Variants in BANK1 observed in about 807,000 individuals in gnomAD.
BANK1 encodes B-cell scaffold protein with ankyrin repeats.
A neutral mutation model predicts 94.5 loss-of-function variants in BANK1; 95 were observed. The ratio of observed to expected loss-of-function variants is 1.00; its 90% CI spans 0.85 to 1.19. The LOEUF (loss-of-function observed/expected upper bound fraction) is 1.19. BANK1 is among the 50% of genes most tolerant of loss of function. The probability of loss-of-function intolerance (pLI) is 0.00; values close to 1 mark genes in which losing one functional copy is unlikely to be tolerated. For synonymous variants in BANK1, 334 were observed against 308.4 expected (o/e 1.08, Z -0.87); for missense variants, 987 against 932.2 (o/e 1.06, Z -0.77).
At chr4:102,032,924 C>T (rs1232116533) in intron 10 of BANK1, among the ~76,000 whole-genome samples, 2 of 151,784 alleles carry the variant, frequency 1.3e-5, no homozygotes, top group African/African-American at 4.8e-5. Context: ...GCACCAAATG[C>T]CTCAATGGAA....
At chr4:101,984,089 A>G (rs1331839035) in intron 7 of BANK1, among the ~76,000 whole-genome samples, 1 of 151,866 alleles carries the variant, frequency 6.6e-6, no homozygotes, top group Admixed American at 6.6e-5. Context: ...AGATAAGCAG[A>G]GAATTTCATT....
At chr4:101,888,869 C>A (rs542327202) in intron 5 of BANK1, among the ~76,000 whole-genome samples, 1 of 152,302 alleles carries the variant, frequency 6.6e-6, no homozygotes, top group South Asian at 2.1e-4. Flanking sequence ...TACTTCCCAG[C>A]TATTTACATT....
intron 7 of BANK1, among the ~76,000 whole-genome samples, chr4:101,924,972 TA>T (rs1723108314): frequency 6.6e-6 from 1 of 151,732 alleles, no homozygotes; most frequent in Admixed American, 6.6e-5. Flanking sequence ...ATTAGTATTT[TA>T]AAAAATAACT....
At chr4:101,791,196 T>C (rs572521349) in intron 1 of BANK1, among the ~76,000 whole-genome samples, 70 of 152,294 alleles carry the variant, frequency 4.6e-4, no homozygotes, top group African/African-American at 1.6e-3. Context: ...CGGGCTACCC[T>C]CAGTGTCTGC....
At chr4:102,059,131 C>T (rs537738136) in intron 11 of BANK1, among the ~76,000 whole-genome samples, 1 of 152,318 alleles carries the variant, frequency 6.6e-6, no homozygotes, top group South Asian at 2.1e-4. Context: ...TGAATGCCCT[C>T]CCCATTTCCC....
intron 6 of BANK1, 66 bp from the exon 7 acceptor site, chr4:101,917,927 T>G: frequency 8.3e-7 from 1 of 1,204,934 alleles, no homozygotes; most frequent in Non-Finnish European, 1.2e-6. Context: ...CAGATTGTGT[T>G]AGACCTTTTA....
At chr4:102,072,653 A>G (rs1728797724) in intron 15 of BANK1, among the ~76,000 whole-genome samples, 1 of 152,194 alleles carries the variant, frequency 6.6e-6, no homozygotes, top group Admixed American at 6.5e-5. Context: ...TGTACAGACC[A>G]AAAAAATCTT....
rs115412414 is a variant in BANK1, at chr4:101,992,726, A to G, written c.1207-28788A>G. The stretch of plus-strand genomic sequence containing the variant: ...TGATACATTTCCCAAAGTTCATAAC[A>G]TATGCTAGATGACCTGCTAAACATC... On this transcript the variant is annotated intron_variant, in intron 7 of 16. Coordinates refer to ENST00000322953, the MANE Select transcript of BANK1 (RefSeq NM_017935.5). Among the ~76,000 whole-genome samples, 581 of 152,110 alleles carry G rather than the reference A, an allele frequency of 3.8e-3. 7 individuals carry two copies. The highest frequency in any genetic ancestry group is 0.013 in the African/African-American group (555 of 41,370).
intron 1 of BANK1, among the ~76,000 whole-genome samples, chr4:101,813,058 C>T (rs1725777820): frequency 1.3e-5 from 2 of 151,886 alleles, no homozygotes; most frequent in Admixed American, 6.6e-5. Flanking sequence ...ATAAACACCC[C>T]CCTGAATCAC....
chr4:102,039,929 C>T (rs1186783776), intron 10 of BANK1, among the ~76,000 whole-genome samples: 1 of 152,074 alleles, frequency 6.6e-6, no homozygotes. Flanking sequence ...AATAACATTT[C>T]ACTGTTCACA....
chr4:101,845,008 A>C (rs1435335365), intron 2 of BANK1, among the ~76,000 whole-genome samples: 3 of 152,300 alleles, frequency 2.0e-5, no homozygotes, highest in African/African-American at 7.2e-5. Context: ...TTTTAAGCTG[A>C]GGATCGGATA....
chr4:101,912,628 TAATA>T (rs1722699971), intron 6 of BANK1, among the ~76,000 whole-genome samples: 1 of 148,224 alleles, frequency 6.7e-6, no homozygotes, highest in South Asian at 2.1e-4. Context: ...TAATATATAT[TAATA>T]AATATATAAA....
At chr4:101,994,092 T>C (rs1408179948) in intron 7 of BANK1, among the ~76,000 whole-genome samples, 1 of 152,232 alleles carries the variant, frequency 6.6e-6, no homozygotes, top group East Asian at 1.9e-4. Context: ...GCATTTGGAC[T>C]AAGGTCTCCT....
intron 4 of BANK1, among the ~76,000 whole-genome samples, chr4:101,868,366 C>A (rs571599196): frequency 1.8e-4 from 27 of 152,032 alleles, no homozygotes; most frequent in African/African-American, 6.5e-4. Flanking sequence ...GAAAAATTAT[C>A]ATGAATGAAC....
At chr4:101,988,520 G>T (rs911905395) in intron 7 of BANK1, among the ~76,000 whole-genome samples, 6 of 152,232 alleles carry the variant, frequency 3.9e-5, no homozygotes, top group Middle Eastern at 6.8e-3. Flanking sequence ...CCTCAACAAA[G>T]TATTTTTGAA....
At chr4:101,885,848 C>T (rs1728833699) in intron 5 of BANK1, among the ~76,000 whole-genome samples, 1 of 152,204 alleles carries the variant, frequency 6.6e-6, no homozygotes, top group South Asian at 2.1e-4. Context: ...GTATAGCCTG[C>T]TACACACCTA....
intron 5 of BANK1, among the ~76,000 whole-genome samples, chr4:101,881,949 G>A (rs921687046): frequency 7.2e-5 from 11 of 151,880 alleles, no homozygotes; most frequent in African/African-American, 2.7e-4. Context: ...GGGTGGGGGA[G>A]GTGGGGATGG....
chr4:102,003,398 A>G (rs1223701062), intron 7 of BANK1, among the ~76,000 whole-genome samples: 1 of 152,142 alleles, frequency 6.6e-6, no homozygotes, highest in Non-Finnish European at 1.5e-5. Context: ...GGAGGATTAC[A>G]CTTTAAAAAT....
chr4:101,936,284 C>A (rs576301201), intron 7 of BANK1, among the ~76,000 whole-genome samples: 111 of 149,590 alleles, frequency 7.4e-4, no homozygotes, highest in African/African-American at 2.6e-3. Flanking sequence ...TGTATATGTA[C>A]ACATATATGC....
Sources: allele counts gnomAD v4.1 joint callset (sites outside exome capture counted in the v4.1 genomes callset), GRCh38; gene constraint gnomAD v4.1.1; transcripts MANE v1.5; gene names NCBI Gene and HGNC (gene_info 2026-07-23, HGNC 2026-07-21).